Variants in DCC observed in about 807,000 individuals in gnomAD.
DCC encodes netrin receptor DCC.
A neutral mutation model predicts 172.5 loss-of-function variants in DCC; 58 were observed. The observed-to-expected ratio is 0.34, with a 90% confidence interval of 0.27 to 0.42. The LOEUF (loss-of-function observed/expected upper bound fraction) is 0.42, where lower values mean the gene tolerates loss of function less well. Ranked by LOEUF, DCC falls within the 10% of genes least tolerant of loss-of-function variation. The pLI, the probability that DCC is intolerant of heterozygous loss-of-function variation, is 1.00. For missense variants in DCC, 1,740 were observed against 1,791.0 expected, an observed-to-expected ratio of 0.97 and a Z score of 0.51; for synonymous variants, 709 against 644.5, an observed-to-expected ratio of 1.10 and a Z score of -1.52.
At chr18:52,984,914 C>G (rs903231359) in intron 5 of DCC, among the ~76,000 whole-genome samples, 7 of 151,962 alleles carry the variant, frequency 4.6e-5, no homozygotes, top group African/African-American at 1.7e-4. Flanking sequence ...TTTGCTTTTT[C>G]TAGAATTTTA....
At chr18:52,587,893 G>A (rs933005978) in intron 1 of DCC, among the ~76,000 whole-genome samples, 1 of 152,174 alleles carries the variant, frequency 6.6e-6, no homozygotes, top group Admixed American at 6.5e-5. Flanking sequence ...TGGCAGGAGT[G>A]GAAACCATGG....
At chr18:52,495,929 C>A (rs1284659357) in intron 1 of DCC, among the ~76,000 whole-genome samples, 1 of 151,980 alleles carries the variant, frequency 6.6e-6, no homozygotes, top group Non-Finnish European at 1.5e-5. Context: ...TTTTTACCAT[C>A]TATCAAATGG....
intron 26 of DCC, among the ~76,000 whole-genome samples, chr18:53,488,569 A>G (rs1417550589): frequency 6.6e-6 from 1 of 152,160 alleles, no homozygotes; most frequent in African/African-American, 2.4e-5. Flanking sequence ...TCCAACATCA[A>G]TTTACTCTTT....
chr18:53,125,326 C>T (rs2043539944), intron 7 of DCC, among the ~76,000 whole-genome samples: 1 of 152,000 alleles, frequency 6.6e-6, no homozygotes, highest in African/African-American at 2.4e-5. Context: ...CGGTAGATAA[C>T]TCAGTTGATG....
intron 7 of DCC, among the ~76,000 whole-genome samples, chr18:53,087,231 G>A (rs1241676005): frequency 6.6e-6 from 1 of 151,838 alleles, no homozygotes; most frequent in African/African-American, 2.4e-5. Context: ...GTGTAAAAGT[G>A]TTCCTATTTC....
rs1353753049 is a variant in DCC at position 52,821,993 on chromosome 18, C to T, written c.412+69619C>T. On this transcript the variant is annotated intron_variant, in intron 2 of 28. Transcript: ENST00000442544. ...AGATGTTTCTTACCTTTAGTCTGTC[C>T]AGAGCCAGTACAGCCTAAAATTAAT... Among the ~76,000 whole-genome samples, 3 of 152,232 alleles carry T rather than the reference C, an allele frequency of 2.0e-5. No homozygotes were observed. In the East Asian group the frequency reaches 5.8e-4, roughly 29 times the overall value.
intron 7 of DCC, among the ~76,000 whole-genome samples, chr18:53,102,722 C>T (rs1433418927): frequency 6.6e-6 from 1 of 152,106 alleles, no homozygotes; most frequent in Admixed American, 6.6e-5. Context: ...TAATAACTTT[C>T]CTGTACACTT....
chr18:52,838,009 G>A (rs1410199002), intron 2 of DCC, among the ~76,000 whole-genome samples: 1 of 152,126 alleles, frequency 6.6e-6, no homozygotes, highest in African/African-American at 2.4e-5. Flanking sequence ...GATCTCATGA[G>A]AGCTAACTCA....
At chr18:52,874,586 C>T (rs370717451) in intron 2 of DCC, among the ~76,000 whole-genome samples, 1 of 152,092 alleles carries the variant, frequency 6.6e-6, no homozygotes, top group African/African-American at 2.4e-5. Context: ...TTGTCTACAT[C>T]ATATCTCTTT....
intron 15 of DCC, among the ~76,000 whole-genome samples, chr18:53,374,438 T>C (rs1346567561): frequency 6.6e-6 from 1 of 152,182 alleles, no homozygotes; most frequent in East Asian, 1.9e-4. Flanking sequence ...AAACTATGTA[T>C]TATTTGTGTG....
At chr18:53,198,513 TAATC>T (rs1477911288) in intron 9 of DCC, among the ~76,000 whole-genome samples, 1 of 152,012 alleles carries the variant, frequency 6.6e-6, no homozygotes, top group African/African-American at 2.4e-5. Context: ...TGATTATATG[TAATC>T]AATCATGCTT....
At chr18:52,358,029 C>A (rs989269140) in intron 1 of DCC, among the ~76,000 whole-genome samples, 1 of 151,988 alleles carries the variant, frequency 6.6e-6, no homozygotes, top group Non-Finnish European at 1.5e-5. Flanking sequence ...ATAGCATGTA[C>A]CCCCTGATAT....
intron 5 of DCC, among the ~76,000 whole-genome samples, chr18:53,043,007 C>T (rs140056233): frequency 0.088 from 13,333 of 151,968 alleles, 832 homozygotes; most frequent in Non-Finnish European, 0.13. Flanking sequence ...TCTATAAAGA[C>T]ATATGCACAC....
intron 27 of DCC, among the ~76,000 whole-genome samples, chr18:53,516,449 T>C (rs2046334684): frequency 6.9e-6 from 1 of 145,976 alleles, no homozygotes; most frequent in Non-Finnish European, 1.5e-5. Flanking sequence ...AATTGACAAA[T>C]GGGATCTAAT....
chr18:52,913,332 A>C (rs2039997159), intron 3 of DCC, among the ~76,000 whole-genome samples: 1 of 152,104 alleles, frequency 6.6e-6, no homozygotes, highest in African/African-American at 2.4e-5. Context: ...TTTCTGTTTG[A>C]TTCTGAATTA....
chr18:52,557,563 G>A (rs1270489105), intron 1 of DCC, among the ~76,000 whole-genome samples: 1 of 152,150 alleles, frequency 6.6e-6, no homozygotes, highest in Non-Finnish European at 1.5e-5. Flanking sequence ...CAAAATTAAA[G>A]TATAAAGTTT....
intron 1 of DCC, among the ~76,000 whole-genome samples, chr18:52,488,249 TTTAA>T (rs756482515): frequency 2.0e-5 from 3 of 152,188 alleles, no homozygotes; most frequent in Non-Finnish European, 4.4e-5. Flanking sequence ...TCCAATAGTC[TTTAA>T]TTGTCTGTAG....
At chr18:52,552,226 C>G (rs2032795775) in intron 1 of DCC, among the ~76,000 whole-genome samples, 1 of 152,006 alleles carries the variant, frequency 6.6e-6, no homozygotes, top group African/African-American at 2.4e-5. Context: ...AGGAGGAGAC[C>G]CACAGGAATT....
intron 1 of DCC, among the ~76,000 whole-genome samples, chr18:52,679,912 A>G (rs1380311810): frequency 1.3e-5 from 2 of 152,114 alleles, no homozygotes; most frequent in Non-Finnish European, 1.5e-5. Context: ...TTAAAAAATC[A>G]TATATTTTGT....
Sources: gnomAD v4.1 joint callset for allele counts (sites outside exome capture counted in the v4.1 genomes callset) on GRCh38, gnomAD v4.1.1 for gene constraint, MANE v1.5 for transcripts, NCBI Gene and HGNC (gene_info 2026-07-23, HGNC 2026-07-21) for gene names.